Variants in DNPEP observed in about 807,000 individuals in gnomAD.
The protein encoded by DNPEP is aspartyl aminopeptidase.
Under a neutral mutation model 59.1 loss-of-function variants are expected in DNPEP, and 46 were observed. The observed-to-expected ratio is 0.78, with a 90% confidence interval of 0.61 to 0.99. The LOEUF (loss-of-function observed/expected upper bound fraction) is 0.99, where lower values mean the gene tolerates loss of function less well. Ranked by LOEUF, DNPEP falls within the 50% of genes least tolerant of loss-of-function variation. The pLI, the probability that DNPEP is intolerant of heterozygous loss-of-function variation, is 0.00. For synonymous variants in DNPEP, 229 were observed against 242.2 expected, an observed-to-expected ratio of 0.95 and a Z score of 0.50; for missense variants, 617 against 649.9, an observed-to-expected ratio of 0.95 and a Z score of 0.55.
At chr2:219,385,764 T>G in intron 6 of DNPEP, 58 bp from the exon 7 acceptor site, 1 of 1,492,580 alleles carries the variant, frequency 6.7e-7, no homozygotes, top group Non-Finnish European at 9.1e-7. Flanking sequence ...GAGTGCGGCA[T>G]CCATAAGTTC....
chr2:219,381,371 G>A lies in DNPEP; in HGVS notation c.1203C>T (p.Ile401=), dbSNP rs371164384. Residue 401 remains isoleucine (I), a synonymous_variant, in exon 13 of 15, where the codon ATC becomes ATT. Transcript: ENST00000273075. ...CCTTGACTTTGTTGGCCACCTCTCGGATCAGGGCCTCTGACACCGCGTTTG... is the reference window on the plus strand; with the variant it reads ...CCTTGACTTTGTTGGCCACCTCTCGAATCAGGGCCTCTGACACCGCGTTTG... ...YASNAVSEAL[I]REVANKVKVP... The A allele has an allele frequency of 1.2e-6, 2 of 1,614,192 alleles. No homozygotes were observed. Among genetic ancestry groups the A allele is most frequent in the Non-Finnish European group, 1.7e-6 (2 of 1,180,042 alleles).
chr2:219,385,972 G>C lies in DNPEP; in HGVS notation c.586C>G (p.His196Asp), dbSNP rs1953805995. Residue 196 changes from histidine to aspartate, a missense_variant, in exon 6 of 15, where the codon CAT (histidine) becomes GAT (aspartate). His to Asp is a moderately conservative substitution (Grantham distance 81). Transcript: ENST00000273075. ...NENFGPNTEM[H>D]LVPILATAIQ... is the part of the protein sequence containing the mutation. ...GCAGCCCTGCCCCAGTCTCACAGAT[G>C]CATCTCTGTGTTGGGCCCAAAGTTC... 1 of 1,614,116 alleles carries C rather than the reference G, an allele frequency of 6.2e-7. No individual in the cohort carries two copies. The highest frequency in any genetic ancestry group is 1.1e-5 in the South Asian group (1 of 91,086).
At position 219,381,434 on chromosome 2, in the gene DNPEP, G is replaced by A. The variant is rs1383747041; in HGVS notation, c.1140C>T (p.Gly380=). 1 of 1,614,220 alleles carries A rather than the reference G, an allele frequency of 6.2e-7. No homozygotes were observed. Among genetic ancestry groups the A allele is most frequent in the South Asian group, 1.1e-5 (1 of 91,086 alleles). ...GCTTGCTGTTCACCTTGATCACGGGGCCCTGGGGAGAGTCAAGGTGAGGCA... is the reference window on the plus strand; with the variant it reads ...GCTTGCTGTTCACCTTGATCACGGGACCCTGGGGAGAGTCAAGGTGAGGCA... ...EENHRPLFHK[G]PVIKVNSKQR... Residue 380 remains glycine, a splice_region_variant and synonymous_variant, in exon 13 of 15, where the codon GGC becomes GGT. Coordinates refer to ENST00000273075, the MANE Select transcript of DNPEP (RefSeq NM_012100.4).
intron 1 of DNPEP, among the ~76,000 whole-genome samples, chr2:219,397,820 C>T (rs1488646959): frequency 2.6e-5 from 4 of 152,058 alleles, no homozygotes; most frequent in Non-Finnish European, 5.9e-5. Context: ...AAACTCCTGA[C>T]CTCAAGTGAT....
At chr2:219,391,811 A>G (rs1954019974), upstream of DNPEP, among the ~76,000 whole-genome samples, 1 of 151,762 alleles carries the variant, frequency 6.6e-6, no homozygotes, top group Admixed American at 6.6e-5. Flanking sequence ...CATGTTAACA[A>G]GATTCCTAGA....
At chr2:219,389,658 C>G (rs989727172), upstream of DNPEP, among the ~76,000 whole-genome samples, 17 of 151,814 alleles carry the variant, frequency 1.1e-4, no homozygotes, top group African/African-American at 4.1e-4. Flanking sequence ...GGTGAAACCC[C>G]GTCTCTACAA....
At position 219,381,662 on chromosome 2, in the gene DNPEP, A is replaced by T; in HGVS notation, c.1098-78T>A. ...CACTCACCACCCTCCCATGGCAGAC[A>T]TCACTAATAGATCACCACTCTTTCC... On this transcript the variant is annotated intron_variant, in intron 11 of 14. Coordinates refer to ENST00000273075, the MANE Select transcript of DNPEP (RefSeq NM_012100.4). 2.1e-6 allele frequency: 3 copies of T among 1,456,738 alleles called. No individual in the cohort carries two copies. In the South Asian group the frequency reaches 3.4e-5, roughly 17 times the overall value. The allele number at this position is 1,456,738 out of a possible 1,614,324, so 90.2% of individuals were successfully genotyped here.
chr2:219,374,206 T>G lies in DNPEP; in HGVS notation c.*86A>C. 1 of 1,276,950 alleles carries G rather than the reference T, an allele frequency of 7.8e-7. No individual in the cohort carries two copies. The highest frequency in any genetic ancestry group is 1.1e-6 in the Non-Finnish European group (1 of 876,228). 79.1% of individuals were successfully genotyped at this position (1,276,950 alleles called of 1,614,324 possible). A position where few individuals can be genotyped will look rare whatever the true frequency, so the allele number is the denominator to read the frequency against. On this transcript the variant is annotated 3_prime_UTR_variant, in exon 15 of 15. Transcript: ENST00000273075. The stretch of plus-strand genomic sequence containing the variant: ...GTAGCACGGAGAGTCTGAGTGACAA[T>G]CCACTTTAATAATCCAGCTTCAGCT...
At chr2:219,387,317 G>A (rs1953890797) in intron 1 of DNPEP, 154 bp from the exon 2 acceptor site, 4 of 1,444,870 alleles carry the variant, frequency 2.8e-6, no homozygotes, top group African/African-American at 1.4e-5. Context: ...CCCAAACCCA[G>A]GGCTGAAACT....
upstream of DNPEP, among the ~76,000 whole-genome samples, chr2:219,388,172 C>CCTCGTCAAGCTTCCTCGTCCGCCCCGCCT (rs1953937641): frequency 7.1e-6 from 1 of 140,626 alleles, no homozygotes; most frequent in Non-Finnish European, 1.6e-5. Context: ...CCGCCCCGCC[C>CCTCGTCAAGCTTCCTCGTCCGCCCCGCCT]CTCGTCAAGC....
chr2:219,387,565 CTCG>C (rs138394024), intron 1 of DNPEP, 191 bp downstream of exon 1: 1,448,786 of 1,493,144 alleles, frequency 0.97, 706,286 homozygotes, highest in Non-Finnish European at 0.99. Context: ...TGACTCCTCT[CTCG>C]CACCCACCTA....
At position 219,385,968 on chromosome 2, in the gene DNPEP, AGAT is replaced by A; in HGVS notation, c.587_589del (p.His196del). On this transcript the variant is annotated inframe_deletion and splice_region_variant, in exon 6 of 15. Coordinates refer to ENST00000273075, the MANE Select transcript of DNPEP (RefSeq NM_012100.4). ...CACCGCAGCCCTGCCCCAGTCTCAC[AGAT>A]GCATCTCTGTGTTGGGCCCAAAGTT... The A allele has an allele frequency of 6.2e-7, 1 of 1,613,824 alleles. No homozygotes were observed. Among genetic ancestry groups the A allele is most frequent in the Non-Finnish European group, 8.5e-7 (1 of 1,179,820 alleles).
At chr2:219,390,593 T>G (rs555005460), upstream of DNPEP, among the ~76,000 whole-genome samples, 2 of 152,304 alleles carry the variant, frequency 1.3e-5, no homozygotes, top group South Asian at 4.1e-4. Flanking sequence ...TGGTGGCTCA[T>G]GCCTGTAATC....
rs908406667 is a variant in DNPEP, at chr2:219,385,704, A to C, written c.593T>G (p.Val198Gly). The C allele has an allele frequency of 4.4e-6, 7 of 1,601,202 alleles. No homozygotes were observed. Among genetic ancestry groups the C allele is most frequent in the Non-Finnish European group, 6.0e-6 (7 of 1,173,550 alleles). ...NFGPNTEMHL[V>G]PILATAIQEE... ...CTGGATGGCTGTGGCAAGAATGGGG[A>C]CTCTGTGGGGAGACGTGGGTTGTGG... is the stretch of plus-strand genomic sequence containing the variant. Residue 198 changes from valine to glycine, a missense_variant and splice_region_variant, in exon 7 of 15, where the codon GTC becomes GGC. Val to Gly is a moderately radical substitution (Grantham distance 109). Coordinates refer to ENST00000273075, the MANE Select transcript of DNPEP (RefSeq NM_012100.4).
At chr2:219,397,560 T>C (rs2125155018) in intron 1 of DNPEP, among the ~76,000 whole-genome samples, 1 of 152,228 alleles carries the variant, frequency 6.6e-6, no homozygotes, top group African/African-American at 2.4e-5. Context: ...GATTAAGACA[T>C]TACACTGGAG....
chr2:219,399,911 G>A (rs1418658340), intron 1 of DNPEP: 3 of 1,550,458 alleles, frequency 1.9e-6, no homozygotes, highest in Non-Finnish European at 2.6e-6. Context: ...ACATGATGGA[G>A]AGGCTCCGAG....
intron 1 of DNPEP, among the ~76,000 whole-genome samples, chr2:219,398,196 A>C (rs1954129230): frequency 6.6e-6 from 1 of 152,224 alleles, no homozygotes; most frequent in Non-Finnish European, 1.5e-5. Context: ...CAAATAGTTA[A>C]GTGGGCAGTA....
intron 13 of DNPEP, among the ~76,000 whole-genome samples, chr2:219,376,181 T>C (rs550358313): frequency 1.3e-5 from 2 of 152,148 alleles, no homozygotes; most frequent in African/African-American, 4.8e-5. Context: ...TCCATGATTC[T>C]AAGATAGTCA....
intron 11 of DNPEP, 27 bp from the exon 12 acceptor site, chr2:219,381,611 A>G (rs1248319625): frequency 6.2e-7 from 1 of 1,613,452 alleles, no homozygotes. Flanking sequence ...AGGGCCAGAC[A>G]TAGCAAACAG....
Sources: gnomAD v4.1 joint callset for allele counts (sites outside exome capture counted in the v4.1 genomes callset) on GRCh38, gnomAD v4.1.1 for gene constraint, MANE v1.5 for transcripts, NCBI Gene and HGNC (gene_info 2026-07-23, HGNC 2026-07-21) for gene names.